The following PSTPIP2 variants were observed in gnomAD, a reference collection of about 807,000 sequenced individuals.
The protein encoded by PSTPIP2 is proline-serine-threonine phosphatase interacting protein 2.
In PSTPIP2, 33 loss-of-function variants were observed where a neutral mutation model predicts 63.3. That is an observed-to-expected ratio of 0.52 (90% CI 0.40 to 0.70). PSTPIP2 has a LOEUF of 0.70. Ranked by LOEUF, PSTPIP2 falls within the 30% of genes least tolerant of loss-of-function variation. PSTPIP2 has a pLI of 0.00. For missense variants in PSTPIP2, 312 were observed against 400.7 expected (o/e 0.78, Z 1.89); for synonymous variants, 125 against 132.7 (o/e 0.94, Z 0.40).
chr18:45,995,960 T>G (rs2051590063), intron 9 of PSTPIP2, among the ~76,000 whole-genome samples: 1 of 152,120 alleles, frequency 6.6e-6, no homozygotes, highest in Non-Finnish European at 1.5e-5. Context: ...GGATTACAGG[T>G]GCTTGCCACC....
chr18:46,018,834 C>T (rs1404457868), intron 3 of PSTPIP2, among the ~76,000 whole-genome samples: 3 of 152,170 alleles, frequency 2.0e-5, no homozygotes, highest in African/African-American at 7.2e-5. Context: ...ATTTTCCTTA[C>T]TTTCTTGACA....
chr18:45,999,593 C>G, intron 6 of PSTPIP2, 59 bp from the exon 7 acceptor site: 1 of 1,577,798 alleles, frequency 6.3e-7, no homozygotes, highest in Admixed American at 1.7e-5. Context: ...CCATGAAATG[C>G]AGCCCCCTTG....
intron 1 of PSTPIP2, chr18:46,041,142 T>C (rs1039122216): frequency 4.5e-6 from 2 of 443,918 alleles, no homozygotes; most frequent in African/African-American, 4.0e-5. Flanking sequence ...GAACCAGGAT[T>C]CAGGAGTGGG....
chr18:46,028,474 G>C, intron 2 of PSTPIP2: 2 of 613,390 alleles, frequency 3.3e-6, no homozygotes, highest in Non-Finnish European at 6.3e-6. Flanking sequence ...GTGGAGTGGT[G>C]CCTGGAGGAG....
At chr18:46,070,612 C>CA (rs1306838274) in intron 1 of PSTPIP2, among the ~76,000 whole-genome samples, 3 of 152,236 alleles carry the variant, frequency 2.0e-5, no homozygotes, top group Non-Finnish European at 4.4e-5. Context: ...CTCCTGGCCT[C>CA]AAGCAATCCT....
intron 11 of PSTPIP2, 36 bp from the exon 12 acceptor site, chr18:45,992,019 C>A: frequency 6.3e-7 from 1 of 1,596,716 alleles, no homozygotes; most frequent in Non-Finnish European, 8.6e-7. Context: ...CATGAAGAGG[C>A]AGGCGTCTTT....
At chr18:46,021,409 TTA>T (rs964214826) in intron 3 of PSTPIP2, among the ~76,000 whole-genome samples, 2 of 114,592 alleles carry the variant, frequency 1.7e-5, no homozygotes, top group African/African-American at 2.7e-5. Flanking sequence ...TTAAAACAAT[TTA>T]TATATATATG....
At chr18:46,005,012 T>C (rs929245764) in intron 6 of PSTPIP2, among the ~76,000 whole-genome samples, 1 of 152,208 alleles carries the variant, frequency 6.6e-6, no homozygotes, top group South Asian at 2.1e-4. Context: ...ATATACACCA[T>C]GGAATACTAT....
At chr18:46,031,716 A>G (rs1199857185) in intron 2 of PSTPIP2, among the ~76,000 whole-genome samples, 2 of 152,194 alleles carry the variant, frequency 1.3e-5, no homozygotes, top group East Asian at 3.8e-4. Flanking sequence ...ATATCCATTA[A>G]GATTTCTTTA....
rs572391880 is a variant in PSTPIP2, at chr18:46,027,405, C to T, written c.135-2719G>A. The stretch of plus-strand genomic sequence containing the variant: ...TATGCCACATGCCTTTTAAAAATAG[C>T]TTGGACTGGTGTTGTGGCTCACACC... On this transcript the variant is annotated intron_variant, in intron 2 of 14. Coordinates refer to ENST00000409746, the MANE Select transcript of PSTPIP2 (RefSeq NM_024430.4). Among the ~76,000 whole-genome samples, 80 of 151,436 alleles carry T rather than the reference C, an allele frequency of 5.3e-4. 1 individual carries two copies. Among genetic ancestry groups the T allele is most frequent in the Non-Finnish European group, 9.9e-4 (67 of 67,828 alleles).
chr18:46,054,861 G>A (rs916328968), intron 1 of PSTPIP2, among the ~76,000 whole-genome samples: 1 of 151,740 alleles, frequency 6.6e-6, no homozygotes, highest in Admixed American at 6.6e-5. Flanking sequence ...GGGCTTTACC[G>A]TTGGTCAAGC....
chr18:45,988,435 G>GAAAAAAAA, intron 14 of PSTPIP2, among the ~76,000 whole-genome samples: 1 of 128,584 alleles, frequency 7.8e-6, no homozygotes, highest in East Asian at 2.5e-4. Flanking sequence ...ACTCTGCTTC[G>GAAAAAAAA]AAAAAAAAAA....
intron 2 of PSTPIP2, among the ~76,000 whole-genome samples, chr18:46,025,914 C>T (rs755074553): frequency 4.6e-5 from 7 of 152,098 alleles, no homozygotes; most frequent in Non-Finnish European, 8.8e-5. Flanking sequence ...GCCACCATGC[C>T]GAGCTAATTT....
chr18:46,027,018 G>A (rs1907600901), intron 2 of PSTPIP2, among the ~76,000 whole-genome samples: 1 of 152,118 alleles, frequency 6.6e-6, no homozygotes, highest in African/African-American at 2.4e-5. Flanking sequence ...CATATGGCCG[G>A]GTGCAATGGC....
At chr18:46,036,261 ATTG>A (rs2144107524) in intron 2 of PSTPIP2, among the ~76,000 whole-genome samples, 1 of 151,558 alleles carries the variant, frequency 6.6e-6, no homozygotes, top group Non-Finnish European at 1.5e-5. Context: ...GTAACAATTA[ATTG>A]TTAACAATTA....
intron 1 of PSTPIP2, among the ~76,000 whole-genome samples, chr18:46,064,291 T>A (rs1434641104): frequency 1.3e-4 from 15 of 119,546 alleles, no homozygotes; most frequent in South Asian, 3.0e-4. Context: ...TCTTTTTTTT[T>A]TTTTTTTTTT....
chr18:46,061,062 G>A (rs900443723), intron 1 of PSTPIP2, among the ~76,000 whole-genome samples: 5 of 152,164 alleles, frequency 3.3e-5, no homozygotes, highest in African/African-American at 7.2e-5. Flanking sequence ...CCGGCACTTC[G>A]GGAGGCCGAG....
intron 5 of PSTPIP2, among the ~76,000 whole-genome samples, chr18:46,006,359 A>AT (rs2051725360): frequency 5.2e-5 from 2 of 38,104 alleles, no homozygotes; most frequent in Non-Finnish European, 9.6e-5. Context: ...CAGCCCTGGT[A>AT]CTTTTTTTTT....
intron 2 of PSTPIP2, among the ~76,000 whole-genome samples, chr18:46,025,458 A>T (rs936112007): frequency 6.6e-6 from 1 of 152,194 alleles, no homozygotes; most frequent in Non-Finnish European, 1.5e-5. Flanking sequence ...TTAGCTTTCC[A>T]GTCCCTTTTC....
Sources: allele counts gnomAD v4.1 joint callset (sites outside exome capture counted in the v4.1 genomes callset), GRCh38; gene constraint gnomAD v4.1.1; transcripts MANE v1.5; gene names NCBI Gene and HGNC (gene_info 2026-07-23, HGNC 2026-07-21).